Variants in ZNF469 observed in about 807,000 individuals in gnomAD.
ZNF469 encodes the protein zinc finger protein 469.
In ZNF469, 1 loss-of-function variant was observed where a neutral mutation model predicts 1.0. That is an observed-to-expected ratio of 1.00 (90% CI 0.35 to 4.73). The LOEUF (loss-of-function observed/expected upper bound fraction) is 4.73. ZNF469 is among the 30% of genes most tolerant of loss of function. The probability of loss-of-function intolerance (pLI) is 0.16; values close to 1 mark genes in which losing one functional copy is unlikely to be tolerated. For synonymous variants in ZNF469, 2,703 were observed against 2,363.4 expected (o/e 1.14, Z -4.17); for missense variants, 6,100 against 5,356.3 (o/e 1.14, Z -4.33).
rs1414078792 is a variant in ZNF469 at position 88,435,134 on chromosome 16, C to T, written c.7664C>T (p.Ala2555Val). Reference protein sequence around the residue: ...DPSHVTQPPPAQGSKEVLRAP... With the variant: ...DPSHVTQPPPVQGSKEVLRAP... Reference sequence around the variant, plus strand: ...AGCCACGTCACCCAGCCACCGCCTGCCCAGGGCTCAAAGGAGGTTCTCAGA... The same window carrying T: ...AGCCACGTCACCCAGCCACCGCCTGTCCAGGGCTCAAAGGAGGTTCTCAGA... Residue 2555 changes from alanine to valine, a missense_variant, in exon 3 of 3, where the codon GCC becomes GTC. Coordinates refer to ENST00000565624, the MANE Select transcript of ZNF469 (RefSeq NM_001367624.2). 8 of 1,550,274 alleles carry T rather than the reference C, an allele frequency of 5.2e-6. No individual in the cohort carries two copies. Among genetic ancestry groups the T allele is most frequent in the Non-Finnish European group, 2.6e-6 (3 of 1,146,992 alleles).
At chr16:88,185,834 G>T in the ZNF469 span, among the ~76,000 whole-genome samples, 4 of 146,908 alleles carry the variant, frequency 2.7e-5, no homozygotes, top group Non-Finnish European at 4.5e-5. Flanking sequence ...CAGACCTACA[G>T]ACACACTCAC....
chr16:88,346,624 C>A, the ZNF469 span, among the ~76,000 whole-genome samples: 2 of 152,244 alleles, frequency 1.3e-5, no homozygotes, highest in African/African-American at 4.8e-5. Flanking sequence ...CTCAAGCAAT[C>A]CTCCTGCCTC....
chr16:88,431,558 C>A lies in ZNF469; in HGVS notation c.4088C>A (p.Pro1363His), dbSNP rs953923193. 1 of 1,550,452 alleles carries A rather than the reference C, an allele frequency of 6.4e-7. No individual in the cohort carries two copies. Among genetic ancestry groups the A allele is most frequent in the Non-Finnish European group, 8.7e-7 (1 of 1,147,004 alleles). Residue 1363 changes from proline to histidine, a missense_variant, in exon 3 of 3, where the codon CCC becomes CAC. Transcript: ENST00000565624. Reference sequence around the variant, plus strand: ...GACCCTGCTGGTTTTAACAGAGACCCCTTGGGGGTTCCAGTTGCCAAAAAG... The same window carrying A: ...GACCCTGCTGGTTTTAACAGAGACCACTTGGGGGTTCCAGTTGCCAAAAAG... The part of the protein sequence containing the change: ...GCDPAGFNRD[P>H]LGVPVAKKGP...
chr16:88,186,066 A>G, the ZNF469 span, among the ~76,000 whole-genome samples: 5 of 152,304 alleles, frequency 3.3e-5, no homozygotes, highest in Admixed American at 2.0e-4. Flanking sequence ...GCCGTCAGGT[A>G]CCTACACTCT....
the ZNF469 span, among the ~76,000 whole-genome samples, chr16:88,245,248 A>G: frequency 6.6e-6 from 1 of 152,232 alleles, no homozygotes; most frequent in Non-Finnish European, 1.5e-5. Flanking sequence ...TGAGGAACTT[A>G]GGACCGATGT....
the ZNF469 span, among the ~76,000 whole-genome samples, chr16:88,308,860 C>A: frequency 6.6e-6 from 1 of 152,190 alleles, no homozygotes; most frequent in Non-Finnish European, 1.5e-5. Context: ...GGGAGCAGGA[C>A]TGACCAGTGG....
intron 1 of ZNF469, among the ~76,000 whole-genome samples, chr16:88,418,020 C>T (rs1373910066): frequency 6.6e-6 from 1 of 152,188 alleles, no homozygotes; most frequent in African/African-American, 2.4e-5. Flanking sequence ...CGAATTGGTC[C>T]CTCACCCTAA....
Position 88,430,798 on chromosome 16 carries a change from G to A in ZNF469, c.3328G>A (p.Gly1110Ser), listed in dbSNP as rs1906112428. The A allele has an allele frequency of 2.0e-6, 3 of 1,528,050 alleles. No individual in the cohort carries two copies. The highest frequency in any genetic ancestry group is 1.7e-6 in the Non-Finnish European group (2 of 1,144,022). 94.7% of individuals were successfully genotyped at this position (1,528,050 alleles called of 1,614,324 possible). A position where few individuals can be genotyped will look rare whatever the true frequency, so the allele number is the denominator to read the frequency against. ...CGAGCAGCCTCCGCCGCGGGGCCCC[G>A]GCTTCAGAGGCCGGCGGGGCCGAGG... ...EDEQPPPRGP[G>S]FRGRRGRGEK... The change falls in exon 3 of 3, where the codon GGC (glycine) becomes AGC (serine). Residue 1110 changes from glycine (G) to serine (S), a missense_variant. Physicochemically the swap from Gly to Ser is moderately conservative, Grantham distance 56. Transcript: ENST00000565624.
the ZNF469 span, among the ~76,000 whole-genome samples, chr16:88,107,096 A>G: frequency 0.94 from 143,741 of 152,162 alleles, 68,058 homozygotes; most frequent in Non-Finnish European, 0.98. Flanking sequence ...TCAGGCCCGC[A>G]CGGGAGGTGC....
At chr16:88,380,974 A>T (rs201438611), upstream of ZNF469, among the ~76,000 whole-genome samples, 3,673 of 138,596 alleles carry the variant, frequency 0.027, 148 homozygotes, top group Admixed American at 0.092. Flanking sequence ...ACATGCACTC[A>T]CACATATGCA....
chr16:88,241,013 G>C, the ZNF469 span, among the ~76,000 whole-genome samples: 3 of 152,270 alleles, frequency 2.0e-5, no homozygotes, highest in South Asian at 6.2e-4. The surrounding 1 kb of genome is among the most constrained non-coding windows in gnomAD (Gnocchi z 4.8). Flanking sequence ...CACCATGTCA[G>C]ACGCTGCCTG....
At chr16:88,130,782 A>C in the ZNF469 span, among the ~76,000 whole-genome samples, 149 of 151,646 alleles carry the variant, frequency 9.8e-4, no homozygotes, top group African/African-American at 3.4e-3. Flanking sequence ...TGGTTCAGAC[A>C]CACGAAGACA....
chr16:88,306,649 G>A, the ZNF469 span, among the ~76,000 whole-genome samples: 1 of 152,176 alleles, frequency 6.6e-6, no homozygotes, highest in African/African-American at 2.4e-5. Flanking sequence ...GCTTGATGCT[G>A]TTGGAACGTA....
chr16:88,390,488 C>T (rs562463243), intron 1 of ZNF469, among the ~76,000 whole-genome samples: 31 of 152,234 alleles, frequency 2.0e-4, no homozygotes, highest in Non-Finnish European at 2.5e-4. Flanking sequence ...TGCCTGGGAA[C>T]CCCCACTGCT....
At chr16:88,164,760 A>G in the ZNF469 span, among the ~76,000 whole-genome samples, 2 of 152,218 alleles carry the variant, frequency 1.3e-5, no homozygotes, top group South Asian at 4.1e-4. Context: ...TAAAGCCCTT[A>G]AATCTTCACA....
At chr16:88,104,363 C>T in the ZNF469 span, among the ~76,000 whole-genome samples, 1 of 152,158 alleles carries the variant, frequency 6.6e-6, no homozygotes, top group Non-Finnish European at 1.5e-5. Context: ...CACCCACAAC[C>T]ACTATCAACT....
At chr16:88,353,645 G>A in the ZNF469 span, among the ~76,000 whole-genome samples, 1 of 152,224 alleles carries the variant, frequency 6.6e-6, no homozygotes, top group East Asian at 1.9e-4. Flanking sequence ...GGTGAACGGT[G>A]GCTCCCAACA....
chr16:88,248,951 T>C, the ZNF469 span, among the ~76,000 whole-genome samples: 1 of 152,182 alleles, frequency 6.6e-6, no homozygotes, highest in African/African-American at 2.4e-5. Flanking sequence ...TCCCTCGGCC[T>C]CTCTGTCCAC....
chr16:88,251,740 G>A, the ZNF469 span, among the ~76,000 whole-genome samples: 1 of 151,568 alleles, frequency 6.6e-6, no homozygotes. Flanking sequence ...TGTATTTTGA[G>A]TAAAGACAGG....
Sources: allele counts gnomAD v4.1 joint callset (sites outside exome capture counted in the v4.1 genomes callset), GRCh38; gene constraint gnomAD v4.1.1; non-coding constraint Gnocchi (gnomAD v3.1); transcripts MANE v1.5; gene names NCBI Gene and HGNC (gene_info 2026-07-23, HGNC 2026-07-21).